AP3B1: variants seen among roughly 807,000 people sequenced by gnomAD.
AP3B1 encodes the protein AP-3 complex subunit beta-1.
A neutral mutation model predicts 132.5 loss-of-function variants in AP3B1; 61 were observed. The ratio of observed to expected loss-of-function variants is 0.46; its 90% CI spans 0.37 to 0.57. The LOEUF (loss-of-function observed/expected upper bound fraction) is 0.57. AP3B1 is among the 20% of genes least tolerant of loss of function. AP3B1 has a pLI of 0.00. For missense variants in AP3B1, 1,120 were observed against 1,289.4 expected, an observed-to-expected ratio of 0.87 and a Z score of 2.01; for synonymous variants, 388 against 438.3, an observed-to-expected ratio of 0.89 and a Z score of 1.43.
At chr5:78,018,907 A>T (rs1032041968) in intron 25 of AP3B1, among the ~76,000 whole-genome samples, 13 of 152,132 alleles carry the variant, frequency 8.5e-5, no homozygotes, top group African/African-American at 2.9e-4. Context: ...ACCTGCTGAA[A>T]TCTATAACTA....
chr5:78,010,078 A>T (rs921260769), intron 26 of AP3B1, among the ~76,000 whole-genome samples: 1 of 152,250 alleles, frequency 6.6e-6, no homozygotes, highest in Non-Finnish European at 1.5e-5. Flanking sequence ...AGACATACAC[A>T]GTTATGGTCT....
chr5:78,268,220 GCT>G (rs1748407645), intron 1 of AP3B1, among the ~76,000 whole-genome samples: 1 of 152,040 alleles, frequency 6.6e-6, no homozygotes, highest in East Asian at 1.9e-4. Flanking sequence ...AACTTTTCAG[GCT>G]CTTTCAGATT....
Position 78,270,075 on chromosome 5 carries a change from G to A in AP3B1, c.129-2480C>T, listed in dbSNP as rs548609686. ...TTACAGGAGTGCATCACCACACCCA[G>A]CTAATTTTGTATTTTAAGTAGAGAT... On this transcript the variant is annotated intron_variant, in intron 1 of 26. Transcript: ENST00000255194. 5.9e-5 allele frequency among the ~76,000 whole-genome samples: 9 copies of A among 152,036 alleles called. 1 individual carries two copies. The South Asian group carries it at 1.9e-3, about 32-fold the overall frequency.
chr5:78,193,778 T>TTTTTTTC (rs1744967245), intron 7 of AP3B1, among the ~76,000 whole-genome samples: 1 of 119,554 alleles, frequency 8.4e-6, no homozygotes, highest in African/African-American at 2.8e-5. Flanking sequence ...ATATTTTTTT[T>TTTTTTTC]TTAGACAGAG....
At chr5:78,153,425 T>C (rs550644289) in intron 14 of AP3B1, among the ~76,000 whole-genome samples, 92 of 152,256 alleles carry the variant, frequency 6.0e-4, no homozygotes, top group Admixed American at 6.5e-4. Flanking sequence ...CCCTTTTTTT[T>C]TTCAGTCTAT....
At chr5:78,288,366 G>A (rs1490347164) in intron 1 of AP3B1, among the ~76,000 whole-genome samples, 4 of 152,166 alleles carry the variant, frequency 2.6e-5, no homozygotes, top group Admixed American at 6.5e-5. Flanking sequence ...AAACACAGAG[G>A]AATGAACCAT....
At chr5:78,025,410 C>T (rs1747302601) in intron 24 of AP3B1, among the ~76,000 whole-genome samples, 1 of 152,062 alleles carries the variant, frequency 6.6e-6, no homozygotes, top group Non-Finnish European at 1.5e-5. Context: ...AAATGTCCCT[C>T]CTCGCAACAA....
At chr5:78,138,240 C>G (rs555483714) in intron 15 of AP3B1, among the ~76,000 whole-genome samples, 5 of 152,080 alleles carry the variant, frequency 3.3e-5, no homozygotes, top group African/African-American at 9.6e-5. Flanking sequence ...CTGAGGCAAG[C>G]GGATCACTTG....
At chr5:78,074,074 T>C (rs1749662195) in intron 22 of AP3B1, among the ~76,000 whole-genome samples, 1 of 152,208 alleles carries the variant, frequency 6.6e-6, no homozygotes, top group Admixed American at 6.5e-5. Context: ...TTATGAGTAC[T>C]ATCCGCCAGT....
chr5:78,081,300 ATTTTTTTTTTTT>A (rs560113962), intron 22 of AP3B1, among the ~76,000 whole-genome samples: 7 of 100,864 alleles, frequency 6.9e-5, no homozygotes, highest in African/African-American at 2.2e-4. Context: ...GCATTACTTC[ATTTTTTTTTTTT>A]TTTTTTTTTT....
intron 26 of AP3B1, among the ~76,000 whole-genome samples, chr5:78,004,021 AC>A (rs1274785607): frequency 3.3e-5 from 5 of 152,122 alleles, no homozygotes; most frequent in Non-Finnish European, 7.4e-5. Flanking sequence ...CTGGAGAAAA[AC>A]AAAGTTGCTG....
chr5:78,118,156 G>C (rs569726029), intron 17 of AP3B1, among the ~76,000 whole-genome samples: 96 of 152,246 alleles, frequency 6.3e-4, no homozygotes, highest in African/African-American at 2.3e-3. Flanking sequence ...AATTAGTCTG[G>C]TGCACATTTG....
At chr5:78,276,869 T>TAA (rs150537145) in intron 1 of AP3B1, among the ~76,000 whole-genome samples, 1,428 of 123,276 alleles carry the variant, frequency 0.012, 22 homozygotes, top group African/African-American at 0.038. Context: ...ACCCTGTCCC[T>TAA]AAAAAAAAAA....
intron 11 of AP3B1, among the ~76,000 whole-genome samples, chr5:78,167,612 T>C (rs767352504): frequency 4.6e-5 from 7 of 150,678 alleles, no homozygotes; most frequent in Non-Finnish European, 8.8e-5. Flanking sequence ...AACATGTGGA[T>C]AAAGAACATG....
At chr5:78,083,366 C>T (rs184606382) in intron 22 of AP3B1, among the ~76,000 whole-genome samples, 35 of 152,252 alleles carry the variant, frequency 2.3e-4, no homozygotes, top group African/African-American at 8.4e-4. Context: ...TAATTTAAAG[C>T]ACAACAGATC....
intron 22 of AP3B1, among the ~76,000 whole-genome samples, chr5:78,084,543 A>AG (rs1750153783): frequency 1.4e-5 from 2 of 147,596 alleles, no homozygotes; most frequent in African/African-American, 5.0e-5. Context: ...AAAAAAAAAA[A>AG]AAAGAAAAGA....
chr5:78,249,294 G>C (rs1436264611), intron 2 of AP3B1, among the ~76,000 whole-genome samples: 1 of 152,094 alleles, frequency 6.6e-6, no homozygotes, highest in Non-Finnish European at 1.5e-5. Flanking sequence ...GAACCCCAGG[G>C]GCAGAGGTTG....
intron 7 of AP3B1, among the ~76,000 whole-genome samples, chr5:78,206,765 A>G (rs1035988514): frequency 2.6e-5 from 4 of 152,248 alleles, no homozygotes; most frequent in Admixed American, 2.6e-4. Context: ...AAAAAAGATT[A>G]GACCATTGAA....
chr5:78,071,336 C>T (rs1374206577), intron 22 of AP3B1, among the ~76,000 whole-genome samples: 3 of 152,138 alleles, frequency 2.0e-5, no homozygotes, highest in Non-Finnish European at 4.4e-5. Context: ...CATGTTCTCA[C>T]TTATAAGTGG....
Sources: gnomAD v4.1 joint callset for allele counts (sites outside exome capture counted in the v4.1 genomes callset) on GRCh38, gnomAD v4.1.1 for gene constraint, MANE v1.5 for transcripts, NCBI Gene and HGNC (gene_info 2026-07-23, HGNC 2026-07-21) for gene names.